Variants in CDK8 observed in about 807,000 individuals in gnomAD.
The protein encoded by CDK8 is cyclin-dependent kinase 8.
In CDK8, 29 loss-of-function variants were observed where a neutral mutation model predicts 71.5. The observed-to-expected ratio is 0.41, with a 90% CI of 0.30 to 0.55. The LOEUF (loss-of-function observed/expected upper bound fraction) is 0.55, where lower values mean the gene tolerates loss of function less well. Among genes scored for constraint, CDK8 ranks in the 20% least tolerant of loss-of-function variants. CDK8 has a pLI of 0.37. For synonymous variants in CDK8, 161 were observed against 192.1 expected, an observed-to-expected ratio of 0.84 and a Z score of 1.34; for missense variants, 288 against 572.6, an observed-to-expected ratio of 0.50 and a Z score of 5.07.
Position 26,331,842 on chromosome 13 carries a change from G to A in CDK8, c.129-5725G>A, listed in dbSNP as rs529836114. Among the ~76,000 whole-genome samples the A allele has an allele frequency of 2.6e-5, 4 of 152,136 alleles. No individual in the cohort carries two copies. The East Asian group carries it at 5.8e-4, about 22-fold the overall frequency. ...TTTTAGGATTATTTTTTCTGACTCC[G>A]TGAAGAATGGCATTGGTATTTTGAC... On this transcript the variant is annotated intron_variant, in intron 1 of 12. Coordinates refer to ENST00000381527, the MANE Select transcript of CDK8 (RefSeq NM_001260.3).
chr13:26,393,802 C>CT (rs2138063955), intron 7 of CDK8, among the ~76,000 whole-genome samples: 1 of 152,124 alleles, frequency 6.6e-6, no homozygotes, highest in African/African-American at 2.4e-5. Context: ...TGTTCAATAT[C>CT]TGTATTAAAA....
chr13:26,359,557 A>G (rs1167829928), intron 4 of CDK8: 1 of 186,108 alleles, frequency 5.4e-6, no homozygotes, highest in Non-Finnish European at 1.2e-5. Context: ...TGGCAATGGT[A>G]TCTGAACTGT....
chr13:26,271,132 A>G (rs912373343), intron 1 of CDK8, among the ~76,000 whole-genome samples: 1 of 152,218 alleles, frequency 6.6e-6, no homozygotes, highest in African/African-American at 2.4e-5. Flanking sequence ...AAATATATTC[A>G]AATGCTTTGC....
At chr13:26,332,529 C>G (rs528076705) in intron 1 of CDK8, among the ~76,000 whole-genome samples, 1 of 151,540 alleles carries the variant, frequency 6.6e-6, no homozygotes, top group Non-Finnish European at 1.5e-5. Context: ...CAAAGAGAGA[C>G]AGTTTGACTA....
intron 1 of CDK8, among the ~76,000 whole-genome samples, chr13:26,305,093 C>T (rs945110636): frequency 6.6e-6 from 1 of 152,080 alleles, no homozygotes; most frequent in African/African-American, 2.4e-5. Context: ...TATCATGCTT[C>T]CTTTTTGGAA....
At chr13:26,282,794 A>G (rs1191253457) in intron 1 of CDK8, among the ~76,000 whole-genome samples, 1 of 152,224 alleles carries the variant, frequency 6.6e-6, no homozygotes, top group Non-Finnish European at 1.5e-5. Flanking sequence ...AAGTCCACCA[A>G]CTAAGTATCT....
intron 1 of CDK8, among the ~76,000 whole-genome samples, chr13:26,277,247 G>C (rs1471726583): frequency 6.6e-6 from 1 of 152,168 alleles, no homozygotes; most frequent in African/African-American, 2.4e-5. Context: ...TGCTGTAAGA[G>C]ACTTGCCTAT....
intron 3 of CDK8, among the ~76,000 whole-genome samples, chr13:26,350,123 A>G (rs929732927): frequency 2.6e-5 from 4 of 152,170 alleles, no homozygotes; most frequent in Non-Finnish European, 4.4e-5. Context: ...ACAGTCTGTG[A>G]TGTTTACACA....
chr13:26,284,485 T>C (rs1177302597), intron 1 of CDK8, among the ~76,000 whole-genome samples: 1 of 152,112 alleles, frequency 6.6e-6, no homozygotes, highest in Non-Finnish European at 1.5e-5. Flanking sequence ...TATAAAAGAT[T>C]ATTCAAGTTT....
chr13:26,344,368 TTTC>T, intron 2 of CDK8, among the ~76,000 whole-genome samples: 1 of 152,184 alleles, frequency 6.6e-6, no homozygotes, highest in Non-Finnish European at 1.5e-5. Flanking sequence ...GCATGTTTCT[TTTC>T]GTAAGCTAAG....
At chr13:26,286,973 A>G (rs938144733) in intron 1 of CDK8, among the ~76,000 whole-genome samples, 5 of 152,186 alleles carry the variant, frequency 3.3e-5, no homozygotes, top group African/African-American at 4.8e-5. Context: ...TCCTGGAAGA[A>G]TGGCCGTAAT....
At chr13:26,295,798 G>T (rs888933881) in intron 1 of CDK8, among the ~76,000 whole-genome samples, 14 of 152,148 alleles carry the variant, frequency 9.2e-5, no homozygotes, top group African/African-American at 3.4e-4. Flanking sequence ...TAACATCTGA[G>T]AATATGATCA....
intron 4 of CDK8, among the ~76,000 whole-genome samples, chr13:26,354,443 C>A (rs1873807932): frequency 6.6e-6 from 1 of 152,142 alleles, no homozygotes. Flanking sequence ...TTTTACGTTG[C>A]AAAGTCATTT....
At position 26,280,493 on chromosome 13, in the gene CDK8, A is replaced by G. The variant is rs192374713; in HGVS notation, c.128+25724A>G. Among the ~76,000 whole-genome samples the G allele has an allele frequency of 1.5e-3, 230 of 152,324 alleles. 1 individual carries two copies. The highest frequency in any genetic ancestry group is 3.8e-4 in the Non-Finnish European group (26 of 68,028). ...CATTGGAACTTGGTATAACTTGTCT[A>G]TGATTAAAGCCATTCCAGTGATACC... On this transcript the variant is annotated intron_variant, in intron 1 of 12. Transcript: ENST00000381527.
chr13:26,388,550 A>G (rs1875589483), intron 6 of CDK8, among the ~76,000 whole-genome samples: 1 of 152,222 alleles, frequency 6.6e-6, no homozygotes, highest in Non-Finnish European at 1.5e-5. Flanking sequence ...GCCTAATCTT[A>G]TTTCCTATTC....
chr13:26,349,274 A>C (rs1285971998), intron 3 of CDK8, 92 bp downstream of exon 3: 2 of 734,962 alleles, frequency 2.7e-6, no homozygotes, highest in African/African-American at 3.6e-5. Context: ...TATGAGACTT[A>C]TGTTTTTAAA....
intron 6 of CDK8, among the ~76,000 whole-genome samples, chr13:26,388,034 G>A (rs531585335): frequency 1.3e-5 from 2 of 152,236 alleles, no homozygotes; most frequent in Admixed American, 6.5e-5. Flanking sequence ...GTCTCCTCCT[G>A]TTCTTGTTAC....
intron 1 of CDK8, among the ~76,000 whole-genome samples, chr13:26,300,874 G>A (rs539464387): frequency 2.0e-5 from 3 of 152,158 alleles, no homozygotes; most frequent in African/African-American, 4.8e-5. Context: ...TCAAGAAATG[G>A]TAAAGATAAA....
At chr13:26,384,634 T>C (rs1319632649) in intron 5 of CDK8, among the ~76,000 whole-genome samples, 1 of 152,202 alleles carries the variant, frequency 6.6e-6, no homozygotes, top group African/African-American at 2.4e-5. Context: ...TCTTGAACCA[T>C]ATTCATCTGG....
Sources: gnomAD v4.1 joint callset for allele counts (sites outside exome capture counted in the v4.1 genomes callset) on GRCh38, gnomAD v4.1.1 for gene constraint, MANE v1.5 for transcripts, NCBI Gene and HGNC (gene_info 2026-07-23, HGNC 2026-07-21) for gene names.